TMEM132B: variants seen among roughly 807,000 people sequenced by gnomAD.
TMEM132B encodes transmembrane protein 132B.
In TMEM132B, 18 loss-of-function variants were observed where a neutral mutation model predicts 90.8. The observed-to-expected ratio is 0.20, with a 90% confidence interval of 0.14 to 0.29. TMEM132B has a LOEUF of 0.29. Among genes scored for constraint, TMEM132B ranks in the 10% least tolerant of loss-of-function variants. TMEM132B has a pLI of 1.00. For missense variants in TMEM132B, 1,096 were observed against 1,326.8 expected (o/e 0.83, Z 2.70); for synonymous variants, 504 against 523.3 (o/e 0.96, Z 0.50).
At position 125,407,062 on chromosome 12, in the gene TMEM132B, C is replaced by CT. The variant is rs1425592398; in HGVS notation, c.960-8462dup. 3.3e-5 allele frequency among the ~76,000 whole-genome samples: 5 copies of CT among 152,202 alleles called. No homozygotes were observed. The East Asian group carries it at 5.8e-4, about 18-fold the overall frequency. Reference sequence around the variant, plus strand: ...GCTCACCCAAGCTTGGTGTCCAGAGCTTTTTTTGGAACTTGGTCACATAGA... The same window carrying CT: ...GCTCACCCAAGCTTGGTGTCCAGAGCTTTTTTTTGGAACTTGGTCACATAGA... On this transcript the variant is annotated intron_variant, in intron 2 of 8. Coordinates refer to ENST00000682704, the MANE Select transcript of TMEM132B (RefSeq NM_001366854.1). The surrounding 1 kb of genome is among the most constrained non-coding windows in gnomAD (Gnocchi z 6.7).
intron 5 of TMEM132B, among the ~76,000 whole-genome samples, chr12:125,593,274 C>T (rs1317543283): frequency 6.6e-6 from 1 of 152,166 alleles, no homozygotes; most frequent in African/African-American, 2.4e-5. Flanking sequence ...CATTCTCAAC[C>T]TTTTGTTCCT....
chr12:125,590,554 A>G (rs905753052), intron 5 of TMEM132B, among the ~76,000 whole-genome samples: 5 of 152,192 alleles, frequency 3.3e-5, no homozygotes, highest in African/African-American at 1.2e-4. Context: ...CATCGGGTAA[A>G]GACTTGGACC....
chr12:125,577,055 A>G (rs2136848821), intron 4 of TMEM132B, among the ~76,000 whole-genome samples: 1 of 151,916 alleles, frequency 6.6e-6, no homozygotes, highest in Admixed American at 6.6e-5. Flanking sequence ...AATTTCTAAA[A>G]ATTAATATTA....
intron 1 of TMEM132B, among the ~76,000 whole-genome samples, chr12:125,189,435 A>AG (rs1260747520): frequency 3.3e-5 from 5 of 152,050 alleles, no homozygotes; most frequent in Non-Finnish European, 7.4e-5. Context: ...ATTGAGTGGC[A>AG]GGGGGGAGCT....
At chr12:125,542,575 C>T (rs10846914) in intron 4 of TMEM132B, among the ~76,000 whole-genome samples, 21,673 of 152,198 alleles carry the variant, frequency 0.14, 2,175 homozygotes, top group East Asian at 0.58. Context: ...TAGGTAGATT[C>T]ATAGAGTATT....
At position 125,251,831 on chromosome 12, in the gene TMEM132B, A is replaced by G. The variant is rs1764819245; in HGVS notation, c.67+64965A>G. ...TGAAATTTCCCAAGTTTATAACGTT[A>G]ATAATCATAATTTTAAAAATATCGG... On this transcript the variant is annotated intron_variant, in intron 1 of 8. Coordinates refer to ENST00000682704, the MANE Select transcript of TMEM132B (RefSeq NM_001366854.1). The surrounding 1 kb of genome is among the most constrained non-coding windows in gnomAD (Gnocchi z 4.4). Among the ~76,000 whole-genome samples, 1 of 152,228 alleles carries G rather than the reference A, an allele frequency of 6.6e-6. No homozygotes were observed. The highest frequency in any genetic ancestry group is 1.5e-5 in the Non-Finnish European group (1 of 68,040).
intron 1 of TMEM132B, among the ~76,000 whole-genome samples, chr12:125,275,001 G>A (rs754230408): frequency 5.9e-5 from 9 of 152,198 alleles, no homozygotes; most frequent in Admixed American, 1.3e-4. Flanking sequence ...CGCAAAGCTA[G>A]GAAGGTGGGA....
chr12:125,432,237 C>G (rs1880530341), intron 3 of TMEM132B, among the ~76,000 whole-genome samples: 1 of 151,358 alleles, frequency 6.6e-6, no homozygotes, highest in South Asian at 2.1e-4. Context: ...GGCATTCAGT[C>G]AGGTGCATCT....
At chr12:125,484,568 A>G (rs1030902775) in intron 3 of TMEM132B, among the ~76,000 whole-genome samples, 1 of 152,014 alleles carries the variant, frequency 6.6e-6, no homozygotes, top group Non-Finnish European at 1.5e-5. Flanking sequence ...TGAGGCTGTT[A>G]ATTTGTTATG....
intron 1 of TMEM132B, among the ~76,000 whole-genome samples, chr12:125,288,073 C>T (rs1279334264): frequency 6.7e-6 from 1 of 149,832 alleles, no homozygotes; most frequent in Non-Finnish European, 1.5e-5. Flanking sequence ...GGGGTTTCAC[C>T]ATGTTGGCCA....
chr12:125,388,038 T>TA (rs1200811250), intron 2 of TMEM132B, among the ~76,000 whole-genome samples: 1 of 152,176 alleles, frequency 6.6e-6, no homozygotes, highest in Non-Finnish European at 1.5e-5. Context: ...GCACAGATGA[T>TA]AATTATACAC....
intron 1 of TMEM132B, among the ~76,000 whole-genome samples, chr12:125,217,445 ATTCT>A (rs1275336107): frequency 6.6e-6 from 1 of 152,116 alleles, no homozygotes; most frequent in Non-Finnish European, 1.5e-5. Flanking sequence ...CCTTCGCTTA[ATTCT>A]TTGTTTGTTT....
At chr12:125,357,474 A>T (rs1258550749) in intron 2 of TMEM132B, among the ~76,000 whole-genome samples, 2 of 152,246 alleles carry the variant, frequency 1.3e-5, no homozygotes, top group Non-Finnish European at 2.9e-5. Context: ...TTTAAAACTC[A>T]TATGAATGCA....
chr12:125,626,050 T>G (rs902057066), intron 5 of TMEM132B, among the ~76,000 whole-genome samples: 1 of 152,360 alleles, frequency 6.6e-6, no homozygotes, highest in Non-Finnish European at 1.5e-5. Context: ...TAACACACAA[T>G]GCATTGTTAC....
At chr12:125,589,608 G>A (rs1246972982) in intron 5 of TMEM132B, among the ~76,000 whole-genome samples, 2 of 152,030 alleles carry the variant, frequency 1.3e-5, no homozygotes, top group East Asian at 1.9e-4. Flanking sequence ...TCAGCTTCTT[G>A]GGAGGCCTTA....
intron 3 of TMEM132B, among the ~76,000 whole-genome samples, chr12:125,423,368 A>G (rs540211516): frequency 2.6e-5 from 4 of 152,240 alleles, no homozygotes; most frequent in African/African-American, 7.2e-5. Flanking sequence ...CGTCGTGCAC[A>G]GGGCACCCGC....
At chr12:125,217,760 CCTTT>C (rs1403546170) in intron 1 of TMEM132B, among the ~76,000 whole-genome samples, 4 of 152,202 alleles carry the variant, frequency 2.6e-5, no homozygotes, top group African/African-American at 4.8e-5. Context: ...GGCCTTCCTT[CCTTT>C]AATTCTAAAT....
intron 4 of TMEM132B, among the ~76,000 whole-genome samples, chr12:125,550,355 T>C (rs1884194839): frequency 6.6e-6 from 1 of 152,194 alleles, no homozygotes; most frequent in South Asian, 2.1e-4. Flanking sequence ...ATTTCTATAT[T>C]CTGTTTTTTT....
At chr12:125,471,222 G>A (rs535793548) in intron 3 of TMEM132B, among the ~76,000 whole-genome samples, 81 of 152,338 alleles carry the variant, frequency 5.3e-4, no homozygotes, top group Admixed American at 4.4e-3. Flanking sequence ...AGTCCCATGC[G>A]GGACAGAGTC....
Sources: allele counts gnomAD v4.1 joint callset (sites outside exome capture counted in the v4.1 genomes callset), GRCh38; gene constraint gnomAD v4.1.1; non-coding constraint Gnocchi (gnomAD v3.1); transcripts MANE v1.5; gene names NCBI Gene and HGNC (gene_info 2026-07-23, HGNC 2026-07-21).